The following USP54 variants were observed in gnomAD, a reference collection of about 807,000 sequenced individuals.
The protein encoded by USP54 is ubiquitin specific peptidase 54.
A neutral mutation model predicts 170.5 loss-of-function variants in USP54; 87 were observed. That is an observed-to-expected ratio of 0.51 (90% CI 0.43 to 0.61). USP54 has a LOEUF of 0.61. Ranked by LOEUF, USP54 falls within the 20% of genes least tolerant of loss-of-function variation. USP54 has a pLI of 0.00. For synonymous variants in USP54, 655 were observed against 742.8 expected (o/e 0.88, Z 1.92); for missense variants, 1,786 against 2,047.8 (o/e 0.87, Z 2.47).
chr10:73,541,406 T>C lies in USP54; in HGVS notation c.794A>G (p.His265Arg). 1 of 1,614,172 alleles carries C rather than the reference T, an allele frequency of 6.2e-7. No homozygotes were observed. ...DHSDLAEDVI[H>R]SLGTCLKLGD... ...CAGCTTAAGGCAGGTTCCCAGGCTG[T>C]GGATAACATCTTCTGCTAAGTCTGA... is the stretch of plus-strand genomic sequence containing the variant. Residue 265 changes from histidine to arginine, a missense_variant, in exon 9 of 24, where the codon CAC (histidine) becomes CGC (arginine). By Grantham distance (29) the His-to-Arg change is conservative. Coordinates refer to ENST00000687698, the MANE Select transcript of USP54 (RefSeq NM_001391956.1).
chr10:73,561,104 CAAAAAAAAAAAA>C (rs919887025), intron 4 of USP54, among the ~76,000 whole-genome samples: 20 of 30,490 alleles, frequency 6.6e-4, no homozygotes, highest in Non-Finnish European at 1.4e-3. Flanking sequence ...GACTCCATCT[CAAAAAAAAAAAA>C]AAAAAAAAAA....
At chr10:73,584,127 C>T (rs1431608579) in intron 1 of USP54, among the ~76,000 whole-genome samples, 6 of 152,178 alleles carry the variant, frequency 3.9e-5, no homozygotes, top group South Asian at 2.1e-4. Context: ...CAGTGGCTCA[C>T]GCCTGTAATG....
At chr10:73,593,080 C>T (rs760251456), upstream of USP54, among the ~76,000 whole-genome samples, 1 of 151,838 alleles carries the variant, frequency 6.6e-6, no homozygotes, top group Non-Finnish European at 1.5e-5. Context: ...TTTTATAGGC[C>T]GGGTGCAGGG....
At position 73,517,176 on chromosome 10, in the gene USP54, G is replaced by A; in HGVS notation, c.3250C>T (p.Leu1084Phe). 1 of 1,614,218 alleles carries A rather than the reference G, an allele frequency of 6.2e-7. No individual in the cohort carries two copies. Among genetic ancestry groups the A allele is most frequent in the African/African-American group, 1.3e-5 (1 of 75,064 alleles). Residue 1084 changes from leucine (L) to phenylalanine (F), a missense_variant, in exon 20 of 24, where the codon CTT becomes TTT. This residue lies in a region of USP54 where 1,418 missense variants were observed against 1,569.0 expected (regional missense o/e 0.90). Transcript: ENST00000687698. ...PIMPVASSFV[L>F]HCPDPVQKTN... Reference sequence around the variant, plus strand: ...TTCTGCACAGGATCAGGACAGTGAAGCACAAATGAAGAAGCAACAGGCATT... The same window carrying A: ...TTCTGCACAGGATCAGGACAGTGAAACACAAATGAAGAAGCAACAGGCATT...
chr10:73,549,922 CTTTGT>C (rs202195052), intron 4 of USP54, among the ~76,000 whole-genome samples: 381 of 152,182 alleles, frequency 2.5e-3, no homozygotes, highest in African/African-American at 8.5e-3. Flanking sequence ...TTCCACTTCT[CTTTGT>C]TTTGTTTTGT....
chr10:73,537,237 T>G (rs1053924581), intron 10 of USP54, among the ~76,000 whole-genome samples: 1 of 152,228 alleles, frequency 6.6e-6, no homozygotes, highest in Non-Finnish European at 1.5e-5. Flanking sequence ...AATATAATCA[T>G]ATTTACTACT....
intron 12 of USP54, among the ~76,000 whole-genome samples, chr10:73,533,735 T>C (rs192633072): frequency 7.2e-5 from 11 of 152,318 alleles, no homozygotes; most frequent in African/African-American, 2.4e-4. Flanking sequence ...TCCTCTGACA[T>C]GGGCATACTC....
intron 1 of USP54, among the ~76,000 whole-genome samples, chr10:73,598,934 C>G (rs1382197489): frequency 6.6e-6 from 1 of 151,598 alleles, no homozygotes. Flanking sequence ...AACAAATTAG[C>G]TGGGTTTGGT....
intron 10 of USP54, among the ~76,000 whole-genome samples, chr10:73,536,987 C>T (rs765529077): frequency 2.0e-5 from 3 of 152,208 alleles, no homozygotes; most frequent in Admixed American, 1.3e-4. Context: ...TTGAACCTCT[C>T]GGCCTTAGCC....
intron 1 of USP54, among the ~76,000 whole-genome samples, chr10:73,585,923 G>C (rs1270785244): frequency 6.6e-6 from 1 of 152,118 alleles, no homozygotes; most frequent in Non-Finnish European, 1.5e-5. Flanking sequence ...TGAGGCAGGA[G>C]AATCTTGAAC....
intron 1 of USP54, among the ~76,000 whole-genome samples, chr10:73,603,996 ATCCCAGCACT>A (rs2079413684): frequency 1.3e-5 from 2 of 152,054 alleles, no homozygotes; most frequent in African/African-American, 4.8e-5. Flanking sequence ...CACACCTGTA[ATCCCAGCACT>A]TTGGAAGGAC....
In USP54 at chr10:73,500,728, G is replaced by A. The variant is rs374260853; in HGVS notation, c.4422C>T (p.Tyr1474=). ...GGGACAGGAACTGTGGTTGGGGAAG[G>A]TAGAGTTGGGGACCGAGGAGAAACA... ...PSVFLLGPQL[Y]LPQPQFLSPD... Residue 1474 remains tyrosine (Y), a synonymous_variant, in exon 23 of 24, where the codon TAC becomes TAT. Coordinates refer to ENST00000687698, the MANE Select transcript of USP54 (RefSeq NM_001391956.1). 6.2e-6 allele frequency: 10 copies of A among 1,606,180 alleles called. No homozygotes were observed. The highest frequency in any genetic ancestry group is 1.3e-5 in the African/African-American group (1 of 74,204).
At chr10:73,543,173 A>G (rs771322510) in intron 5 of USP54, 42 bp from the exon 6 acceptor site, 1 of 1,349,628 alleles carries the variant, frequency 7.4e-7, no homozygotes, top group Non-Finnish European at 1.1e-6. Context: ...ACAATATTTA[A>G]TAGACAAATA....
intron 14 of USP54, 105 bp from the exon 15 acceptor site, chr10:73,530,016 A>G: frequency 6.7e-7 from 1 of 1,492,882 alleles, no homozygotes; most frequent in Non-Finnish European, 9.0e-7. Flanking sequence ...CACTGAACTC[A>G]TATCCCTAAA....
chr10:73,516,321 T>G, intron 20 of USP54, 54 bp downstream of exon 20: 1 of 1,539,200 alleles, frequency 6.5e-7, no homozygotes. Context: ...TTTCCCTGCT[T>G]TCAGCTTTTA....
At chr10:73,623,944 A>G (rs1408599816) in intron 1 of USP54, among the ~76,000 whole-genome samples, 1 of 151,926 alleles carries the variant, frequency 6.6e-6, no homozygotes, top group Non-Finnish European at 1.5e-5. Context: ...AGTACTTTAC[A>G]CATAACAGGA....
At chr10:73,524,043 G>C (rs1351636100) in intron 16 of USP54, among the ~76,000 whole-genome samples, 2 of 150,738 alleles carry the variant, frequency 1.3e-5, no homozygotes, top group Non-Finnish European at 3.0e-5. Flanking sequence ...GAGTAGCTGG[G>C]ACTACAGGCA....
chr10:73,528,492 G>A (rs1260579885), intron 15 of USP54, among the ~76,000 whole-genome samples: 1 of 151,804 alleles, frequency 6.6e-6, no homozygotes, highest in Non-Finnish European at 1.5e-5. Flanking sequence ...TTCTGACGTC[G>A]TGATCCACCC....
intron 20 of USP54, among the ~76,000 whole-genome samples, chr10:73,514,393 C>A (rs1384253279): frequency 6.6e-6 from 1 of 151,698 alleles, no homozygotes; most frequent in Non-Finnish European, 1.5e-5. Context: ...TGAACCCCAT[C>A]TCTACTAAAA....
Sources: gnomAD v4.1 joint callset for allele counts (sites outside exome capture counted in the v4.1 genomes callset) on GRCh38, gnomAD v4.1.1 for gene constraint, gnomAD v4.1.1 regional missense constraint, MANE v1.5 for transcripts, NCBI Gene and HGNC (gene_info 2026-07-23, HGNC 2026-07-21) for gene names.